The following MAGI1 variants were observed in gnomAD, a reference collection of about 807,000 sequenced individuals.
MAGI1 encodes membrane associated guanylate kinase, WW and PDZ domain containing 1.
In MAGI1, 58 loss-of-function variants were observed where a neutral mutation model predicts 139.9. The ratio of observed to expected loss-of-function variants is 0.41; its 90% confidence interval spans 0.34 to 0.52. The LOEUF (loss-of-function observed/expected upper bound fraction) is 0.52, where lower values mean the gene tolerates loss of function less well. Among genes scored for constraint, MAGI1 ranks in the 20% least tolerant of loss-of-function variants. MAGI1 has a pLI of 0.12. For missense variants in MAGI1, 1,874 were observed against 1,901.6 expected, an observed-to-expected ratio of 0.99 and a Z score of 0.27; for synonymous variants, 812 against 737.9, an observed-to-expected ratio of 1.10 and a Z score of -1.63.
intron 17 of MAGI1, among the ~76,000 whole-genome samples, 158 bp from the exon 18 acceptor site, chr3:65,376,103 C>T (rs1245250282): frequency 1.3e-5 from 2 of 152,224 alleles, no homozygotes; most frequent in Admixed American, 6.5e-5. Context: ...ATGGTCAAAA[C>T]ATTGGCAATA....
At chr3:65,562,224 C>T (rs1170050024) in intron 2 of MAGI1, among the ~76,000 whole-genome samples, 1 of 152,102 alleles carries the variant, frequency 6.6e-6, no homozygotes, top group African/African-American at 2.4e-5. Context: ...AAGGGGACTA[C>T]TGTATTTTCT....
intron 2 of MAGI1, among the ~76,000 whole-genome samples, chr3:65,499,429 C>A (rs890635473): frequency 4.6e-5 from 7 of 152,170 alleles, no homozygotes; most frequent in Non-Finnish European, 2.9e-5. Flanking sequence ...GTGGCCAGAT[C>A]ACGAGGTCAG....
At chr3:66,005,524 C>G (rs887402068) in intron 1 of MAGI1, among the ~76,000 whole-genome samples, 1 of 152,156 alleles carries the variant, frequency 6.6e-6, no homozygotes, top group African/African-American at 2.4e-5. Context: ...TTCACAGCCT[C>G]TTTGCCTCTC....
rs114766915 is a variant in MAGI1, at chr3:65,524,333, C to G, written c.431-30702G>C. 5.0e-3 allele frequency among the ~76,000 whole-genome samples: 762 copies of G among 152,296 alleles called. 7 individuals carry two copies. Among genetic ancestry groups the G allele is most frequent in the African/African-American group, 0.018 (736 of 41,568 alleles). On this transcript the variant is annotated intron_variant, in intron 2 of 22. Transcript: ENST00000402939. ...TTGCCATAGGTAAAACAGAAGTACT[C>G]TTTTCTAATCAGCAGCTCATAAAAT...
At chr3:65,816,361 A>C (rs773676735) in intron 1 of MAGI1, among the ~76,000 whole-genome samples, 1 of 152,244 alleles carries the variant, frequency 6.6e-6, no homozygotes, top group Non-Finnish European at 1.5e-5. Context: ...AACAATGGCT[A>C]CTGTGACTAA....
intron 2 of MAGI1, among the ~76,000 whole-genome samples, chr3:65,527,960 A>G (rs941361327): frequency 2.0e-5 from 3 of 152,032 alleles, no homozygotes; most frequent in Admixed American, 6.6e-5. Context: ...AGAAGTACCA[A>G]TTGGCAATTT....
At chr3:65,860,660 T>C (rs550636947) in intron 1 of MAGI1, among the ~76,000 whole-genome samples, 1 of 152,252 alleles carries the variant, frequency 6.6e-6, no homozygotes, top group South Asian at 2.1e-4. Flanking sequence ...CAAGAGTCTG[T>C]CCTCCCCGTG....
chr3:65,786,809 A>G (rs977865081), intron 1 of MAGI1, among the ~76,000 whole-genome samples: 9 of 151,448 alleles, frequency 5.9e-5, no homozygotes, highest in South Asian at 2.1e-4. Flanking sequence ...TAGAGACGGG[A>G]TTTCACCGTG....
chr3:65,979,606 TTCTC>T (rs1445154905), intron 1 of MAGI1, among the ~76,000 whole-genome samples: 10 of 152,210 alleles, frequency 6.6e-5, no homozygotes, highest in Admixed American at 6.5e-4. Context: ...TGAATATCCT[TTCTC>T]TTTCTTTGTT....
At chr3:65,498,050 G>A (rs950852173) in intron 2 of MAGI1, among the ~76,000 whole-genome samples, 9 of 152,124 alleles carry the variant, frequency 5.9e-5, no homozygotes, top group African/African-American at 2.2e-4. Context: ...ATGTTGTGGA[G>A]AAAAGGACCG....
chr3:65,901,311 G>A (rs539569417), intron 1 of MAGI1, among the ~76,000 whole-genome samples: 4 of 152,344 alleles, frequency 2.6e-5, no homozygotes, highest in South Asian at 2.1e-4. Flanking sequence ...CAGAGACTGG[G>A]AGCTCAGAGA....
intron 1 of MAGI1, among the ~76,000 whole-genome samples, chr3:65,980,974 C>T (rs2107270670): frequency 6.6e-6 from 1 of 152,076 alleles, no homozygotes. Flanking sequence ...GCCTGGCCAG[C>T]ATAGTAAAAC....
At chr3:65,634,932 A>T (rs1390035137) in intron 1 of MAGI1, among the ~76,000 whole-genome samples, 1 of 152,182 alleles carries the variant, frequency 6.6e-6, no homozygotes, top group Non-Finnish European at 1.5e-5. Context: ...CAGATAACCT[A>T]GCAAAATGGA....
chr3:65,840,913 G>A (rs2058781902), intron 1 of MAGI1, among the ~76,000 whole-genome samples: 1 of 151,978 alleles, frequency 6.6e-6, no homozygotes, highest in South Asian at 2.1e-4. Flanking sequence ...GAAATCATTT[G>A]GGCCTAGAGA....
chr3:65,466,362 TCTATGGGCTTTTC>T (rs1950175245), intron 5 of MAGI1, among the ~76,000 whole-genome samples: 1 of 152,122 alleles, frequency 6.6e-6, no homozygotes, highest in Non-Finnish European at 1.5e-5. Context: ...TCTTAAACCT[TCTATGGGCTTTTC>T]CTAATATGGC....
In MAGI1 at chr3:65,437,926, G is replaced by C. The variant is rs374742676; in HGVS notation, c.1271-679C>G. 5.4e-4 allele frequency among the ~76,000 whole-genome samples: 82 copies of C among 152,290 alleles called. 1 individual carries two copies. In the South Asian group the frequency reaches 0.015, roughly 27 times the overall value. On this transcript the variant is annotated intron_variant, in intron 9 of 22. Transcript: ENST00000402939. ...TTTTAGACAAAAAATAACAGATGTT[G>C]ATAAGGATGTAGAGAAAAGGGAATG...
intron 1 of MAGI1, among the ~76,000 whole-genome samples, chr3:66,018,541 G>A (rs114066254): frequency 0.016 from 2,458 of 152,250 alleles, 31 homozygotes; most frequent in Non-Finnish European, 0.026. Flanking sequence ...GGTAAGGGCC[G>A]GTGAAGGAAT....
At chr3:65,843,656 G>C (rs565980185) in intron 1 of MAGI1, among the ~76,000 whole-genome samples, 1 of 151,996 alleles carries the variant, frequency 6.6e-6, no homozygotes, top group African/African-American at 2.4e-5. Context: ...TCTTCATTTC[G>C]CTCTCCTCAT....
chr3:65,803,837 A>G (rs898055778), intron 1 of MAGI1, among the ~76,000 whole-genome samples: 1 of 152,212 alleles, frequency 6.6e-6, no homozygotes, highest in Non-Finnish European at 1.5e-5. Flanking sequence ...AAACTCATAC[A>G]AGAAGAGAAA....
Sources: gnomAD v4.1 joint callset for allele counts (sites outside exome capture counted in the v4.1 genomes callset) on GRCh38, gnomAD v4.1.1 for gene constraint, MANE v1.5 for transcripts, NCBI Gene and HGNC (gene_info 2026-07-23, HGNC 2026-07-21) for gene names.